Variants in COL25A1 observed in about 807,000 individuals in gnomAD.
COL25A1 encodes the protein collagen alpha-1(XXV) chain.
Under a neutral mutation model 128.4 loss-of-function variants are expected in COL25A1, and 103 were observed. The observed-to-expected ratio is 0.80, with a 90% confidence interval of 0.68 to 0.94. COL25A1 has a LOEUF of 0.94. Ranked by LOEUF, COL25A1 falls within the 40% of genes least tolerant of loss-of-function variation. The probability of loss-of-function intolerance (pLI) is 0.00; values close to 1 mark genes in which losing one functional copy is unlikely to be tolerated. For missense variants in COL25A1, 745 were observed against 840.0 expected (o/e 0.89, Z 1.40); for synonymous variants, 279 against 277.2 (o/e 1.01, Z -0.06).
At chr4:108,894,433 C>G (rs1166061454) in intron 16 of COL25A1, among the ~76,000 whole-genome samples, 1 of 151,798 alleles carries the variant, frequency 6.6e-6, no homozygotes, top group Non-Finnish European at 1.5e-5. Flanking sequence ...GTAACTATGG[C>G]CAAATTCAGT....
chr4:108,866,201 T>TC (rs199915948), intron 20 of COL25A1, among the ~76,000 whole-genome samples: 13 of 36,726 alleles, frequency 3.5e-4, no homozygotes, highest in Admixed American at 8.3e-4. Context: ...TTTCTTTCTT[T>TC]TTTTTTTTTT....
chr4:108,994,306 C>T (rs1400318935), intron 6 of COL25A1, among the ~76,000 whole-genome samples: 1 of 152,242 alleles, frequency 6.6e-6, no homozygotes, highest in East Asian at 1.9e-4. Flanking sequence ...AGATACTCTC[C>T]CGTGCCTGGT....
chr4:108,918,312 A>G, intron 12 of COL25A1, 96 bp from the exon 13 acceptor site: 1 of 813,582 alleles, frequency 1.2e-6, no homozygotes, highest in Non-Finnish European at 1.9e-6. Context: ...TTGCTAAAAC[A>G]TTTCTAGGAA....
intron 3 of COL25A1, among the ~76,000 whole-genome samples, chr4:109,141,415 C>A (rs913679598): frequency 6.6e-6 from 1 of 151,846 alleles, no homozygotes; most frequent in Admixed American, 6.6e-5. Flanking sequence ...TGTGTCTCTG[C>A]CAGGTTTTGG....
At chr4:108,919,601 G>A (rs1161433672) in intron 12 of COL25A1, among the ~76,000 whole-genome samples, 2 of 152,000 alleles carry the variant, frequency 1.3e-5, no homozygotes, top group Non-Finnish European at 2.9e-5. Flanking sequence ...TTTTCCGTGG[G>A]TTAAATATCC....
chr4:108,971,254 A>G (rs1044095378), intron 8 of COL25A1, among the ~76,000 whole-genome samples: 3 of 152,214 alleles, frequency 2.0e-5, no homozygotes, highest in African/African-American at 7.2e-5. Flanking sequence ...TAATGATATA[A>G]CAATATTTTA....
chr4:109,063,509 A>AG (rs969244740), intron 3 of COL25A1, among the ~76,000 whole-genome samples: 12 of 151,786 alleles, frequency 7.9e-5, no homozygotes, highest in African/African-American at 2.9e-4. Context: ...ACTCAAAAAA[A>AG]AAAAAAAAGT....
intron 12 of COL25A1, among the ~76,000 whole-genome samples, chr4:108,919,631 G>A (rs1257286872): frequency 6.6e-6 from 1 of 152,078 alleles, no homozygotes; most frequent in South Asian, 2.1e-4. Flanking sequence ...CTTGAGGGGT[G>A]TAAGGATGGG....
chr4:108,825,731 G>A (rs1477391533), intron 33 of COL25A1, among the ~76,000 whole-genome samples: 9 of 152,200 alleles, frequency 5.9e-5, no homozygotes, highest in Admixed American at 5.9e-4. Flanking sequence ...TTAGTAGTTA[G>A]CTCACAAATG....
intron 8 of COL25A1, among the ~76,000 whole-genome samples, chr4:108,946,954 T>C (rs976015478): frequency 1.1e-4 from 16 of 152,236 alleles, no homozygotes; most frequent in African/African-American, 3.9e-4. Flanking sequence ...TGGCTGATAA[T>C]ATAAGGGTAA....
Position 108,915,145 on chromosome 4 carries a change from C to T in COL25A1, c.780+3027G>A, listed in dbSNP as rs954486270. 3.3e-5 allele frequency among the ~76,000 whole-genome samples: 5 copies of T among 152,294 alleles called. No individual in the cohort carries two copies. The South Asian group carries it at 1.0e-3, about 32-fold the overall frequency. On this transcript the variant is annotated intron_variant, in intron 13 of 37. Coordinates refer to ENST00000399132, the MANE Select transcript of COL25A1 (RefSeq NM_198721.4). ...AATGCCATGCCACTGCATAAGCAGT[C>T]CTTTCTCCTAATACAGTCAGAAGAA... is the stretch of plus-strand genomic sequence containing the variant.
chr4:108,870,214 C>T (rs1003476804), intron 19 of COL25A1, among the ~76,000 whole-genome samples: 1 of 152,076 alleles, frequency 6.6e-6, no homozygotes, highest in African/African-American at 2.4e-5. Context: ...CGTGATGGCG[C>T]CACTGCACTC....
intron 37 of COL25A1, 32 bp downstream of exon 37, chr4:108,817,365 C>T (rs376043461): frequency 4.9e-5 from 79 of 1,608,462 alleles, no homozygotes; most frequent in Non-Finnish European, 6.2e-5. Context: ...AGGGAGAGTG[C>T]TTCTTTTGAG....
At chr4:109,057,421 ATTTTTTTTTTTT>A (rs776941019) in intron 3 of COL25A1, among the ~76,000 whole-genome samples, 12 of 20,240 alleles carry the variant, frequency 5.9e-4, no homozygotes, top group Admixed American at 1.1e-3. Flanking sequence ...TGCCTAGCTA[ATTTTTTTTTTTT>A]TTTTTTTTTT....
intron 3 of COL25A1, among the ~76,000 whole-genome samples, chr4:109,226,759 T>C (rs969269851): frequency 5.9e-5 from 9 of 152,136 alleles, no homozygotes; most frequent in African/African-American, 2.2e-4. Context: ...GGGATTTATT[T>C]GGGAAACATA....
intron 3 of COL25A1, among the ~76,000 whole-genome samples, chr4:109,138,977 G>C (rs1246728433): frequency 6.6e-6 from 1 of 152,158 alleles, no homozygotes; most frequent in Non-Finnish European, 1.5e-5. Context: ...AAAGTGCTGG[G>C]ATTACACGCA....
At chr4:109,033,600 T>C (rs1161650298) in intron 5 of COL25A1, among the ~76,000 whole-genome samples, 2 of 152,250 alleles carry the variant, frequency 1.3e-5, no homozygotes, top group Non-Finnish European at 2.9e-5. Flanking sequence ...AATTTTAACC[T>C]GCCTATTTTT....
chr4:108,871,114 G>GT (rs1293123001), intron 19 of COL25A1, among the ~76,000 whole-genome samples: 1 of 152,020 alleles, frequency 6.6e-6, no homozygotes, highest in African/African-American at 2.4e-5. Context: ...AGGTAAAACT[G>GT]TTTTTTTCTT....
In COL25A1 at chr4:109,083,570, C is replaced by A. The variant is rs575702080; in HGVS notation, c.368-33391G>T. 4.8e-5 allele frequency among the ~76,000 whole-genome samples: 7 copies of A among 145,626 alleles called. No individual in the cohort carries two copies. In the South Asian group the frequency reaches 1.3e-3, roughly 27 times the overall value. ...CTCCGCCTCCCGGGTTCACGCCATT[C>A]TCCTGCCTCAGCCTCCCGAGTAGCT... On this transcript the variant is annotated intron_variant, in intron 3 of 37. Coordinates refer to ENST00000399132, the MANE Select transcript of COL25A1 (RefSeq NM_198721.4).
Sources: allele counts gnomAD v4.1 joint callset (sites outside exome capture counted in the v4.1 genomes callset), GRCh38; gene constraint gnomAD v4.1.1; transcripts MANE v1.5; gene names NCBI Gene and HGNC (gene_info 2026-07-23, HGNC 2026-07-21).